FAM20C: variants seen among roughly 807,000 people sequenced by gnomAD.
FAM20C encodes the protein extracellular serine/threonine protein kinase FAM20C.
FAM20C carries 40 observed loss-of-function variants against 51.5 expected under a neutral mutation model. That is an observed-to-expected ratio of 0.78 (90% CI 0.60 to 1.01). The LOEUF is 1.01. Ranked by LOEUF, FAM20C falls within the 50% of genes least tolerant of loss-of-function variation. The pLI is 0.00. For missense variants in FAM20C, 861 were observed against 844.7 expected, an observed-to-expected ratio of 1.02 and a Z score of -0.24; for synonymous variants, 406 against 380.6, an observed-to-expected ratio of 1.07 and a Z score of -0.78.
At chr7:246,565 G>A in intron 4 of FAM20C, 58 bp downstream of exon 4, 2 of 1,146,920 alleles carry the variant, frequency 1.7e-6, no homozygotes, top group Non-Finnish European at 2.3e-6. Flanking sequence ...CCACCGGTGA[G>A]TGAGGCCGTC....
chr7:258,215 T>C (rs1393919820), intron 8 of FAM20C, among the ~76,000 whole-genome samples: 114 of 84,298 alleles, frequency 1.4e-3, no homozygotes, highest in African/African-American at 4.2e-3. Context: ...ACCCACTGAC[T>C]GGGGTGCTGG....
chr7:247,403 G>A (rs36186989), intron 4 of FAM20C, among the ~76,000 whole-genome samples: 3 of 152,092 alleles, frequency 2.0e-5, no homozygotes, highest in African/African-American at 4.8e-5. Flanking sequence ...TGCCCTGCAC[G>A]GCCCTGACAC....
At chr7:257,447 C>T (rs898588383) in intron 8 of FAM20C, 26 of 219,716 alleles carry the variant, frequency 1.2e-4, no homozygotes, top group African/African-American at 3.7e-4. Flanking sequence ...GGGGGATAGG[C>T]GGCCTCTGCG....
intron 2 of FAM20C, among the ~76,000 whole-genome samples, chr7:201,794 G>T (rs1324642227): frequency 1.3e-5 from 2 of 152,196 alleles, no homozygotes; most frequent in South Asian, 2.1e-4. Flanking sequence ...GCTGTGACCC[G>T]GGGAGAGACT....
chr7:208,290 T>G (rs1028933565), intron 2 of FAM20C, among the ~76,000 whole-genome samples: 11 of 151,654 alleles, frequency 7.3e-5, no homozygotes, highest in African/African-American at 2.7e-4. Context: ...TAAGCACACC[T>G]GGCCGTCCCG....
chr7:207,811 G>A (rs752980952), intron 2 of FAM20C, among the ~76,000 whole-genome samples: 4 of 152,116 alleles, frequency 2.6e-5, no homozygotes, highest in Non-Finnish European at 4.4e-5. Context: ...CTTAGCTCCC[G>A]GGGCTGCCCC....
At chr7:224,022 G>A (rs560016707) in intron 3 of FAM20C, among the ~76,000 whole-genome samples, 10 of 147,848 alleles carry the variant, frequency 6.8e-5, no homozygotes, top group African/African-American at 2.0e-4. Context: ...CACGGGGGTC[G>A]CACGGCGGCT....
intron 5 of FAM20C, among the ~76,000 whole-genome samples, chr7:255,057 C>T (rs527967349): frequency 1.3e-5 from 2 of 152,286 alleles, no homozygotes; most frequent in South Asian, 2.1e-4. Context: ...TGTGAGCATT[C>T]GTGTCTGAGT....
chr7:214,316 A>G (rs1344964184), intron 3 of FAM20C, among the ~76,000 whole-genome samples: 1 of 151,676 alleles, frequency 6.6e-6, no homozygotes, highest in Non-Finnish European at 1.5e-5. Context: ...TAAGAGTGAA[A>G]CTCGGTCTCA....
rs1267311515 is a variant in FAM20C at position 256,010 on chromosome 7, C to G, written c.1234C>G (p.His412Asp). 1 of 1,535,976 alleles carries G rather than the reference C, an allele frequency of 6.5e-7. No homozygotes were observed. Among genetic ancestry groups the G allele is most frequent in the Non-Finnish European group, 8.7e-7 (1 of 1,146,766 alleles). ...GCGGAACCCTTGGCGGCGTTCCTAC[C>G]ACAAGCGCAAGAAGGCCGAGTGAGT... Reference protein sequence around the residue: ...TWRNPWRRSYHKRKKAEWEVD... With the variant: ...TWRNPWRRSYDKRKKAEWEVD... The change falls in exon 6 of 10, where the codon CAC becomes GAC. Residue 412 changes from histidine to aspartate, a missense_variant. By Grantham distance (81) the His-to-Asp change is moderately conservative (BLOSUM62 -1). Transcript: ENST00000313766.
At chr7:209,387 G>A (rs1273978796) in intron 3 of FAM20C, among the ~76,000 whole-genome samples, 1 of 152,220 alleles carries the variant, frequency 6.6e-6, no homozygotes, top group African/African-American at 2.4e-5. Context: ...CTTTGCAGGT[G>A]TATGGTCTCT....
At chr7:196,175 G>GT (rs1442581522) in intron 2 of FAM20C, among the ~76,000 whole-genome samples, 1 of 152,234 alleles carries the variant, frequency 6.6e-6, no homozygotes, top group Non-Finnish European at 1.5e-5. Context: ...GCTTCTTGTG[G>GT]TTTTGAAGCC....
intron 3 of FAM20C, among the ~76,000 whole-genome samples, chr7:214,019 T>C (rs1176641860): frequency 1.3e-5 from 2 of 152,194 alleles, no homozygotes; most frequent in East Asian, 3.9e-4. Context: ...ATTTGTCTTT[T>C]TGTTACTAAG....
rs749965678 is a variant in FAM20C at position 193,205 on chromosome 7, G to A, written c.6G>A (p.Lys2=). The change falls in exon 1 of 10, where the codon AAG becomes AAA. Residue 2 remains lysine, a synonymous_variant. Transcript: ENST00000313766. ...CCGGGCCGGCCCGCGCGGCCATGAA[G>A]ATGATGCTGGTGCGCCGGTTCCGCG... M[K]MMLVRRFRVL... is the part of the protein sequence containing the mutation. 1,018 of 1,458,740 alleles carry A rather than the reference G, an allele frequency of 7.0e-4. 1 individual carries two copies. Among genetic ancestry groups the A allele is most frequent in the Non-Finnish European group, 8.7e-4 (957 of 1,099,898 alleles). The allele number at this position is 1,458,740 out of a possible 1,614,324, so 90.4% of individuals were successfully genotyped here.
intron 3 of FAM20C, among the ~76,000 whole-genome samples, chr7:218,122 G>C (rs1026767409): frequency 6.6e-6 from 1 of 152,166 alleles, no homozygotes; most frequent in Non-Finnish European, 1.5e-5. Context: ...CAGCCTCCTC[G>C]TCTGTGAAAC....
rs1021833420 is a variant in FAM20C at position 246,445 on chromosome 7, C to A, written c.894C>A (p.Asp298Glu). 1 of 1,445,208 alleles carries A rather than the reference C, an allele frequency of 6.9e-7. No homozygotes were observed. The highest frequency in any genetic ancestry group is 9.0e-7 in the Non-Finnish European group (1 of 1,107,010). 89.5% of individuals were successfully genotyped at this position (1,445,208 alleles called of 1,614,324 possible). The stretch of plus-strand genomic sequence containing the variant: ...CGAGGGAGCAGGAGACACCCCCTGA[C>A]TTTTTTTATTTCTCTGACTACGAGA... ...KQTREQETPP[D>E]FFYFSDYERH... The change falls in exon 4 of 10, where the codon GAC (aspartate) becomes GAA (glutamate). Residue 298 changes from aspartate to glutamate, a missense_variant. Physicochemically the swap from Asp to Glu is conservative, Grantham distance 45 (BLOSUM62 2). Coordinates refer to ENST00000313766, the MANE Select transcript of FAM20C (RefSeq NM_020223.4).
intron 2 of FAM20C, among the ~76,000 whole-genome samples, chr7:203,049 G>A (rs1373481684): frequency 6.6e-6 from 1 of 152,162 alleles, no homozygotes; most frequent in Non-Finnish European, 1.5e-5. Context: ...GAAGGTGGTA[G>A]GTGGGAGAGG....
rs201044430 is a variant in FAM20C, at chr7:216,605, C to CTG, written c.863+7641_863+7642dup. Among the ~76,000 whole-genome samples, 137 of 144,926 alleles carry CTG rather than the reference C, an allele frequency of 9.5e-4. 1 individual carries two copies. Among genetic ancestry groups the CTG allele is most frequent in the African/African-American group, 2.8e-3 (106 of 37,726 alleles). On this transcript the variant is annotated intron_variant, in intron 3 of 9. Transcript: ENST00000313766. The stretch of plus-strand genomic sequence containing the variant: ...CCTGCTCTTTCCAGCCTGGGAGTTT[C>CTG]TGTGTGTGTGTGTATGAGTGTGTGT...
At chr7:229,318 A>G (rs1787569979) in intron 3 of FAM20C, 1 of 185,838 alleles carries the variant, frequency 5.4e-6, no homozygotes, top group African/African-American at 2.3e-5. Flanking sequence ...AATTCCGCAC[A>G]TCGCCGCCCT....
Sources: allele counts gnomAD v4.1 joint callset (sites outside exome capture counted in the v4.1 genomes callset), GRCh38; gene constraint gnomAD v4.1.1; transcripts MANE v1.5; gene names NCBI Gene and HGNC (gene_info 2026-07-23, HGNC 2026-07-21).